Variants in TCF12 observed in about 807,000 individuals in gnomAD.
The protein encoded by TCF12 is transcription factor 12.
TCF12 carries 45 observed loss-of-function variants against 86.0 expected under a neutral mutation model. That is an observed-to-expected ratio of 0.52 (90% CI 0.41 to 0.67). The LOEUF (loss-of-function observed/expected upper bound fraction) is 0.67. Ranked by LOEUF, TCF12 falls within the 30% of genes least tolerant of loss-of-function variation. The probability of loss-of-function intolerance (pLI) is 0.00; values close to 1 mark genes in which losing one functional copy is unlikely to be tolerated. For missense variants in TCF12, 881 were observed against 859.9 expected (o/e 1.02, Z -0.31); for synonymous variants, 330 against 299.6 (o/e 1.10, Z -1.05).
intron 3 of TCF12, among the ~76,000 whole-genome samples, chr15:57,050,250 A>G (rs77595529): frequency 0.042 from 6,435 of 152,122 alleles, 378 homozygotes; most frequent in African/African-American, 0.14. Flanking sequence ...TGCCATCTGT[A>G]TGCTTTCTTT....
intron 3 of TCF12, among the ~76,000 whole-genome samples, chr15:57,052,322 A>G (rs751626223): frequency 6.6e-6 from 1 of 151,790 alleles, no homozygotes; most frequent in Non-Finnish European, 1.5e-5. Context: ...TACCAGGGAG[A>G]TTGGGAGAGT....
chr15:57,270,890 C>G (rs1050302054), intron 18 of TCF12, among the ~76,000 whole-genome samples: 1 of 152,170 alleles, frequency 6.6e-6, no homozygotes, highest in Non-Finnish European at 1.5e-5. Context: ...GTATCACCAG[C>G]GGAGGCTGCA....
chr15:56,990,118 A>G (rs1056307902), intron 3 of TCF12, among the ~76,000 whole-genome samples: 3 of 148,830 alleles, frequency 2.0e-5, no homozygotes, highest in Admixed American at 2.0e-4. Flanking sequence ...TCGGTATTAC[A>G]GTGACACCAT....
chr15:57,222,809 G>T (rs1440507349), intron 8 of TCF12, among the ~76,000 whole-genome samples: 2 of 95,932 alleles, frequency 2.1e-5, no homozygotes, highest in Admixed American at 3.0e-4. Context: ...TTAAGATTCT[G>T]GAGTGCCTTA....
intron 3 of TCF12, among the ~76,000 whole-genome samples, chr15:56,940,328 C>T (rs1259825069): frequency 6.6e-6 from 1 of 152,044 alleles, no homozygotes; most frequent in Non-Finnish European, 1.5e-5. Context: ...TACTCTAAAT[C>T]GTCTTTGGTT....
intron 17 of TCF12, among the ~76,000 whole-genome samples, chr15:57,262,791 T>C (rs2060647957): frequency 6.6e-6 from 1 of 152,194 alleles, no homozygotes; most frequent in Non-Finnish European, 1.5e-5. Flanking sequence ...GTCCTTTACC[T>C]CTGCAACATC....
intron 6 of TCF12, among the ~76,000 whole-genome samples, chr15:57,186,652 A>G (rs982524662): frequency 9.9e-5 from 15 of 152,260 alleles, no homozygotes; most frequent in Non-Finnish European, 1.8e-4. Flanking sequence ...ATATTACAGG[A>G]TAAAGGAAAT....
intron 4 of TCF12, among the ~76,000 whole-genome samples, chr15:57,069,198 T>C (rs2069159081): frequency 6.6e-6 from 1 of 152,190 alleles, no homozygotes; most frequent in African/African-American, 2.4e-5. Flanking sequence ...GATACAGAGT[T>C]GGTCATTCCT....
At chr15:56,997,737 T>C (rs2063790090) in intron 3 of TCF12, among the ~76,000 whole-genome samples, 1 of 152,220 alleles carries the variant, frequency 6.6e-6, no homozygotes. Flanking sequence ...GTAATTACGT[T>C]GAATTTTTAA....
chr15:56,944,587 T>G (rs753529343), intron 3 of TCF12, among the ~76,000 whole-genome samples: 13 of 152,112 alleles, frequency 8.5e-5, no homozygotes, highest in Non-Finnish European at 1.6e-4. Context: ...TCTTTAAGAG[T>G]TCTACTTGCC....
intron 3 of TCF12, among the ~76,000 whole-genome samples, chr15:57,050,104 T>C (rs2067509057): frequency 6.6e-6 from 1 of 152,342 alleles, no homozygotes; most frequent in Non-Finnish European, 1.5e-5. Flanking sequence ...AAAAGTATTA[T>C]TCTGTATACC....
rs778525284 is a variant in TCF12, at chr15:57,197,793, G to A, written c.547G>A (p.Val183Ile). Residue 183 changes from valine to isoleucine, a missense_variant, in exon 8 of 21, where the codon GTC becomes ATC. Around this residue, in one of 3 missense-constraint regions of TCF12, gnomAD observed 766 missense variants for 718.9 expected, o/e 1.07. Coordinates refer to ENST00000333725, the MANE Select transcript of TCF12 (RefSeq NM_207037.2). Reference protein sequence around the residue: ...AALDPLQAKKVRKVPPGLPSS... With the variant: ...AALDPLQAKKIRKVPPGLPSS... ...TGCAGATCCCTTGCAAGCAAAAAAA[G>A]TCAGAAAGGTGCCTCCTGGTTTGCC... 1.2e-5 allele frequency: 20 copies of A among 1,614,008 alleles called. 1 individual carries two copies. In the South Asian group the frequency reaches 2.0e-4, roughly 16 times the overall value.
chr15:57,117,930 G>C (rs1483741223), intron 5 of TCF12, among the ~76,000 whole-genome samples: 1 of 152,052 alleles, frequency 6.6e-6, no homozygotes, highest in East Asian at 1.9e-4. Context: ...GAAATATAAG[G>C]GGGGGGAAGG....
chr15:56,981,464 T>C (rs1293147066), intron 3 of TCF12, among the ~76,000 whole-genome samples: 3 of 152,192 alleles, frequency 2.0e-5, no homozygotes, highest in Non-Finnish European at 4.4e-5. Flanking sequence ...AATCTGTTCA[T>C]GAGGGTGGAA....
chr15:57,007,867 T>C (rs1304471549), intron 3 of TCF12, among the ~76,000 whole-genome samples: 7 of 27,566 alleles, frequency 2.5e-4, no homozygotes, highest in African/African-American at 8.0e-4. Context: ...CCTTCCTTCC[T>C]TCCTTCCTTC....
At chr15:57,172,509 A>C (rs191771974) in intron 6 of TCF12, among the ~76,000 whole-genome samples, 2 of 152,302 alleles carry the variant, frequency 1.3e-5, no homozygotes, top group East Asian at 3.8e-4. Context: ...AGTGTCAGTA[A>C]ATTGGAAAGG....
At chr15:57,136,958 GTTTT>G (rs869113042) in intron 5 of TCF12, among the ~76,000 whole-genome samples, 9 of 83,044 alleles carry the variant, frequency 1.1e-4, no homozygotes, top group South Asian at 4.7e-4. Context: ...GCTTCTGGCA[GTTTT>G]TTTTTTTGTT....
At chr15:57,215,463 T>C (rs942834498) in intron 8 of TCF12, among the ~76,000 whole-genome samples, 1 of 152,282 alleles carries the variant, frequency 6.6e-6, no homozygotes, top group South Asian at 2.1e-4. Flanking sequence ...GTTATTCATG[T>C]GTCAGCTTTT....
At chr15:57,151,718 T>A (rs2053772711) in intron 5 of TCF12, among the ~76,000 whole-genome samples, 1 of 151,270 alleles carries the variant, frequency 6.6e-6, no homozygotes. Context: ...TGAGCCGAGA[T>A]CATGCCACTG....
Sources: allele counts gnomAD v4.1 joint callset (sites outside exome capture counted in the v4.1 genomes callset), GRCh38; gene constraint gnomAD v4.1.1; regional missense constraint gnomAD v4.1.1; transcripts MANE v1.5; gene names NCBI Gene and HGNC (gene_info 2026-07-23, HGNC 2026-07-21).